Variants in OR51B5 observed in about 807,000 individuals in gnomAD.
OR51B5 encodes the protein olfactory receptor 51B5.
For missense variants in OR51B5, 456 were observed against 374.6 expected (o/e 1.22, Z -1.79); for synonymous variants, 186 against 144.8 (o/e 1.28, Z -2.04).
At chr11:5,359,799 T>C (rs542171233) in intron 1 of OR51B5, among the ~76,000 whole-genome samples, 1 of 151,606 alleles carries the variant, frequency 6.6e-6, no homozygotes, top group African/African-American at 2.4e-5. Context: ...AACAGAGATA[T>C]AGACCAATGG....
At chr11:5,352,429 C>T in intron 1 of OR51B5, 2 of 1,594,988 alleles carry the variant, frequency 1.3e-6, no homozygotes, top group Non-Finnish European at 1.7e-6. Context: ...ATTCTCTCTG[C>T]CTCACTCTAG....
In OR51B5 at chr11:5,356,504, T is replaced by G. The variant is rs538280981; in HGVS notation, n.85-9594A>C. ...AAAGACCAAATCTATATCTGATTGG[T>G]GTACCTGAAAGTGACGGGCAGAATG... On this transcript the variant is annotated intron_variant and non_coding_transcript_variant, in intron 1 of 4. Coordinates refer to the OR51B5 transcript ENST00000415970. Among the ~76,000 whole-genome samples, 6 of 146,718 alleles carry G rather than the reference T, an allele frequency of 4.1e-5. No individual in the cohort carries two copies. In the East Asian group the frequency reaches 1.2e-3, roughly 28 times the overall value.
intron 1 of OR51B5, among the ~76,000 whole-genome samples, chr11:5,376,235 G>A (rs1849525931): frequency 1.3e-5 from 2 of 152,002 alleles, no homozygotes; most frequent in Admixed American, 6.6e-5. Context: ...CGAAATGAAG[G>A]CAGAAATAAA....
intron 1 of OR51B5, among the ~76,000 whole-genome samples, chr11:5,482,197 T>C (rs199863044): frequency 7.1e-5 from 7 of 97,982 alleles, no homozygotes; most frequent in South Asian, 4.9e-4. Flanking sequence ...TCAGAAATAA[T>C]GCCGCATATC....
intron 1 of OR51B5, among the ~76,000 whole-genome samples, chr11:5,408,920 A>T (rs527609927): frequency 6.6e-6 from 1 of 152,116 alleles, no homozygotes; most frequent in Admixed American, 6.6e-5. Flanking sequence ...CCCATAACCT[A>T]TAATAATATT....
intron 1 of OR51B5, among the ~76,000 whole-genome samples, chr11:5,380,476 A>G (rs984241629): frequency 6.6e-6 from 1 of 152,106 alleles, no homozygotes; most frequent in Admixed American, 6.6e-5. Flanking sequence ...GAGTGAGGTG[A>G]CCTTGTGGCC....
intron 1 of OR51B5, among the ~76,000 whole-genome samples, chr11:5,502,116 C>T (rs752507107): frequency 3.9e-5 from 6 of 152,174 alleles, no homozygotes; most frequent in Non-Finnish European, 8.8e-5. Context: ...ACGTCAGGAA[C>T]CCTATTCTAA....
Position 5,400,857 on chromosome 11 carries a change from A to G in OR51B5, n.85-53947T>C, listed in dbSNP as rs531605317. ...AAAGAAGAACTTCATAATAACCATT[A>G]CGGAATAGTGAGGTCCCTGTTGATG... On this transcript the variant is annotated intron_variant and non_coding_transcript_variant, in intron 1 of 4. Coordinates refer to the OR51B5 transcript ENST00000415970. Among the ~76,000 whole-genome samples, 72 of 152,354 alleles carry G rather than the reference A, an allele frequency of 4.7e-4. 1 individual carries two copies. In the South Asian group the frequency reaches 0.014, roughly 30 times the overall value.
rs186466541 is a variant in OR51B5, at chr11:5,473,403, G to C, written n.84+32166C>G. Among the ~76,000 whole-genome samples, 114 of 152,304 alleles carry C rather than the reference G, an allele frequency of 7.5e-4. 1 individual carries two copies. Among genetic ancestry groups the C allele is most frequent in the Non-Finnish European group, 6.2e-4 (42 of 68,024 alleles). ...AAATGAAGGCTTTAAGGGGTAAGAAGCTTGCTGATATGCACAGACAAATTA... is the reference window on the plus strand; with the variant it reads ...AAATGAAGGCTTTAAGGGGTAAGAACCTTGCTGATATGCACAGACAAATTA... On this transcript the variant is annotated intron_variant and non_coding_transcript_variant, in intron 1 of 4. Transcript: ENST00000415970.
Position 5,403,503 on chromosome 11 carries a change from G to A in OR51B5, n.85-56593C>T, listed in dbSNP as rs1191248390. On this transcript the variant is annotated intron_variant and non_coding_transcript_variant, in intron 1 of 4. Transcript: ENST00000415970. ...CAGCATTAAGACCAAGGAGATCCATGGTGCCATTGTCCGAATGCTATTAGA... is the reference window on the plus strand; with the variant it reads ...CAGCATTAAGACCAAGGAGATCCATAGTGCCATTGTCCGAATGCTATTAGA... 7 of 471,644 alleles carry A rather than the reference G, an allele frequency of 1.5e-5. No individual in the cohort carries two copies. The Admixed American group carries it at 1.6e-4, about 11-fold the overall frequency. The allele number at this position is 471,644 out of a possible 1,614,324, so 29.2% of individuals were successfully genotyped here.
At chr11:5,386,543 T>A (rs1256747023) in intron 1 of OR51B5, among the ~76,000 whole-genome samples, 1 of 152,148 alleles carries the variant, frequency 6.6e-6, no homozygotes, top group Non-Finnish European at 1.5e-5. Flanking sequence ...TCACCACAGA[T>A]CTTTTACAAG....
chr11:5,365,433 CT>C (rs1849349042), intron 1 of OR51B5, among the ~76,000 whole-genome samples: 1 of 152,194 alleles, frequency 6.6e-6, no homozygotes, highest in Non-Finnish European at 1.5e-5. Context: ...GTAGAAATCG[CT>C]GTGGAGAGAT....
Position 5,400,336 on chromosome 11 carries a change from T to G in OR51B5, n.85-53426A>C, listed in dbSNP as rs1351617271. Among the ~76,000 whole-genome samples, 3 of 152,190 alleles carry G rather than the reference T, an allele frequency of 2.0e-5. No individual in the cohort carries two copies. In the East Asian group the frequency reaches 5.8e-4, roughly 29 times the overall value. ...TCATGATAGCAAAAATATGAAAAAA[T>G]AAATTATTTTAATATCCTATTACAT... is the stretch of plus-strand genomic sequence containing the variant. On this transcript the variant is annotated intron_variant and non_coding_transcript_variant, in intron 1 of 4. Coordinates refer to the OR51B5 transcript ENST00000415970.
intron 1 of OR51B5, chr11:5,422,355 G>T (rs145294897): frequency 6.2e-7 from 1 of 1,613,902 alleles, no homozygotes; most frequent in South Asian, 1.1e-5. Flanking sequence ...ACTGTCATTC[G>T]CACAGAGCCA....
At chr11:5,440,809 G>T (rs780152164) in intron 1 of OR51B5, 2 of 1,613,814 alleles carry the variant, frequency 1.2e-6, no homozygotes, top group South Asian at 1.1e-5. Context: ...GCCTTGAGCC[G>T]CTGTTCCTGG....
At chr11:5,357,722 A>T (rs577432012) in intron 1 of OR51B5, among the ~76,000 whole-genome samples, 2 of 150,522 alleles carry the variant, frequency 1.3e-5, no homozygotes, top group Admixed American at 6.6e-5. Flanking sequence ...CTATTCCAAA[A>T]TTGACCACAT....
downstream of OR51B5, among the ~76,000 whole-genome samples, chr11:5,341,963 G>A (rs1371647234): frequency 6.6e-6 from 1 of 152,072 alleles, no homozygotes; most frequent in Non-Finnish European, 1.5e-5. Context: ...ACTGCCTTGG[G>A]GAATAAATAT....
chr11:5,365,115 G>A (rs1436883106), intron 1 of OR51B5, among the ~76,000 whole-genome samples: 2 of 152,196 alleles, frequency 1.3e-5, no homozygotes, highest in Non-Finnish European at 2.9e-5. Flanking sequence ...GAATTCAAGT[G>A]GTAGCTTATC....
In OR51B5 at chr11:5,356,734, G is replaced by A. The variant is rs1481767101; in HGVS notation, n.85-9824C>T. Among the ~76,000 whole-genome samples the A allele has an allele frequency of 3.2e-5, 4 of 124,924 alleles. 1 individual carries two copies. Among genetic ancestry groups the A allele is most frequent in the African/African-American group, 5.9e-5 (2 of 33,670 alleles). 82.0% of individuals were successfully genotyped at this position (124,924 alleles called of 152,430 possible). A position where few individuals can be genotyped will look rare whatever the true frequency, so the allele number is the denominator to read the frequency against. On this transcript the variant is annotated intron_variant and non_coding_transcript_variant, in intron 1 of 4. Coordinates refer to the OR51B5 transcript ENST00000415970. Reference sequence around the variant, plus strand: ...TTAAGGGTAGCCAGAGAGAAAGGTCGGGTTACCCACAAAGGGAAGCCCATC... The same window carrying A: ...TTAAGGGTAGCCAGAGAGAAAGGTCAGGTTACCCACAAAGGGAAGCCCATC...
Sources: allele counts gnomAD v4.1 joint callset (sites outside exome capture counted in the v4.1 genomes callset), GRCh38; gene constraint gnomAD v4.1.1; transcripts MANE v1.5; gene names NCBI Gene and HGNC (gene_info 2026-07-23, HGNC 2026-07-21).